The following ADGRL3 variants were observed in gnomAD, a reference collection of about 807,000 sequenced individuals.
The protein encoded by ADGRL3 is calcium-independent alpha-latrotoxin receptor 3.
A neutral mutation model predicts 153.5 loss-of-function variants in ADGRL3; 62 were observed. The observed-to-expected ratio is 0.40, with a 90% CI of 0.33 to 0.50. ADGRL3 has a LOEUF of 0.50. Among genes scored for constraint, ADGRL3 ranks in the 20% least tolerant of loss-of-function variants. The pLI is 0.47. For missense variants in ADGRL3, 1,641 were observed against 1,859.4 expected, an observed-to-expected ratio of 0.88 and a Z score of 2.16; for synonymous variants, 710 against 672.5, an observed-to-expected ratio of 1.06 and a Z score of -0.86.
intron 5 of ADGRL3, among the ~76,000 whole-genome samples, chr4:61,674,513 G>T (rs970752375): frequency 6.6e-6 from 1 of 151,712 alleles, no homozygotes; most frequent in Non-Finnish European, 1.5e-5. Context: ...TATAGACCAA[G>T]ATAGGAAGAA....
At chr4:61,377,430 C>A (rs925966899) in intron 1 of ADGRL3, among the ~76,000 whole-genome samples, 1 of 151,958 alleles carries the variant, frequency 6.6e-6, no homozygotes, top group Non-Finnish European at 1.5e-5. Flanking sequence ...CTAATAATAA[C>A]CTGTGAGTTT....
chr4:62,066,222 T>C (rs1367822052), intron 25 of ADGRL3, among the ~76,000 whole-genome samples: 1 of 152,080 alleles, frequency 6.6e-6, no homozygotes, highest in Non-Finnish European at 1.5e-5. Flanking sequence ...ATATTCTTAC[T>C]GGCAAGGTGA....
chr4:61,462,563 A>G (rs1323302351), intron 2 of ADGRL3, among the ~76,000 whole-genome samples: 6 of 152,198 alleles, frequency 3.9e-5, no homozygotes, highest in African/African-American at 1.4e-4. Flanking sequence ...GTACTAAAAC[A>G]TAATAAACTA....
chr4:61,344,538 G>A (rs565101283), intron 1 of ADGRL3, among the ~76,000 whole-genome samples: 1 of 151,844 alleles, frequency 6.6e-6, no homozygotes, highest in Non-Finnish European at 1.5e-5. Flanking sequence ...TCAAATTTAG[G>A]TATTTCCTGG....
intron 2 of ADGRL3, among the ~76,000 whole-genome samples, chr4:61,402,342 C>A (rs1260635413): frequency 1.3e-5 from 2 of 152,126 alleles, no homozygotes; most frequent in South Asian, 2.1e-4. Flanking sequence ...AAAAATTATT[C>A]TTTGCTTCCA....
At chr4:61,317,753 A>G (rs923334038) in intron 1 of ADGRL3, among the ~76,000 whole-genome samples, 11 of 152,188 alleles carry the variant, frequency 7.2e-5, no homozygotes, top group South Asian at 4.1e-4. Flanking sequence ...ACCAGAGTCT[A>G]TATATCATAC....
intron 1 of ADGRL3, among the ~76,000 whole-genome samples, chr4:61,220,708 A>G (rs764229775): frequency 5.3e-5 from 8 of 152,256 alleles, no homozygotes; most frequent in Middle Eastern, 6.8e-3. Flanking sequence ...TTCAATCTTC[A>G]GGGACTTCCA....
At chr4:61,671,422 A>G (rs2094992452) in intron 5 of ADGRL3, among the ~76,000 whole-genome samples, 1 of 152,204 alleles carries the variant, frequency 6.6e-6, no homozygotes, top group Non-Finnish European at 1.5e-5. Context: ...CTTTAAAATT[A>G]GTGCTAATAG....
chr4:61,960,873 C>T (rs1011126147), intron 17 of ADGRL3, among the ~76,000 whole-genome samples: 6 of 152,054 alleles, frequency 3.9e-5, no homozygotes. Context: ...CCACACCGAG[C>T]TAATTTTTGT....
intron 9 of ADGRL3, among the ~76,000 whole-genome samples, chr4:61,872,310 G>A (rs76394291): frequency 0.011 from 1,614 of 151,990 alleles, 25 homozygotes; most frequent in African/African-American, 0.037. Context: ...TGGAAGGAAA[G>A]TGAGCAGAGA....
At chr4:61,831,938 C>T (rs548882232) in intron 9 of ADGRL3, among the ~76,000 whole-genome samples, 2 of 152,058 alleles carry the variant, frequency 1.3e-5, no homozygotes, top group African/African-American at 4.8e-5. Flanking sequence ...CTAAAGCCTG[C>T]AGATTAAGCT....
intron 1 of ADGRL3, among the ~76,000 whole-genome samples, chr4:61,210,661 G>A (rs1739554189): frequency 2.6e-5 from 4 of 152,120 alleles, no homozygotes. Flanking sequence ...AAGAATGGAA[G>A]GGTTCAACTG....
At chr4:61,754,475 A>T (rs1028229800) in intron 8 of ADGRL3, among the ~76,000 whole-genome samples, 3 of 152,050 alleles carry the variant, frequency 2.0e-5, no homozygotes, top group Non-Finnish European at 4.4e-5. Context: ...GCAATATCTC[A>T]ATCAAAAAAG....
At chr4:61,351,822 G>A (rs1482164786) in intron 1 of ADGRL3, among the ~76,000 whole-genome samples, 1 of 152,112 alleles carries the variant, frequency 6.6e-6, no homozygotes. Flanking sequence ...TCGCCCAAGA[G>A]CTGTGATGGA....
intron 5 of ADGRL3, among the ~76,000 whole-genome samples, chr4:61,663,647 A>G (rs2150627712): frequency 6.6e-6 from 1 of 152,326 alleles, no homozygotes; most frequent in African/African-American, 2.4e-5. Flanking sequence ...ACTCAGGCAA[A>G]CATGCCACCA....
At chr4:61,965,537 C>T (rs761078388) in intron 17 of ADGRL3, among the ~76,000 whole-genome samples, 6 of 152,030 alleles carry the variant, frequency 3.9e-5, no homozygotes, top group Admixed American at 6.6e-5. Context: ...ATCACGAGGT[C>T]AGGAGATTGA....
At chr4:61,703,688 T>C (rs1306742421) in intron 6 of ADGRL3, among the ~76,000 whole-genome samples, 1 of 152,052 alleles carries the variant, frequency 6.6e-6, no homozygotes, top group Non-Finnish European at 1.5e-5. Flanking sequence ...ATTAGGACAG[T>C]CTTGCTAGGT....
chr4:61,758,452 T>A (rs2096866548), intron 8 of ADGRL3, among the ~76,000 whole-genome samples: 1 of 152,250 alleles, frequency 6.6e-6, no homozygotes, highest in African/African-American at 2.4e-5. Flanking sequence ...CTTTTCTCTT[T>A]TGATCTTTGT....
At chr4:61,739,365 G>A (rs2096556695) in intron 8 of ADGRL3, among the ~76,000 whole-genome samples, 1 of 151,264 alleles carries the variant, frequency 6.6e-6, no homozygotes, top group South Asian at 2.1e-4. Context: ...GGAGTGCAGT[G>A]CCACACAGTC....
Sources: allele counts gnomAD v4.1 joint callset (sites outside exome capture counted in the v4.1 genomes callset), GRCh38; gene constraint gnomAD v4.1.1; transcripts MANE v1.5; gene names NCBI Gene and HGNC (gene_info 2026-07-23, HGNC 2026-07-21).